The following KBTBD11 variants were observed in gnomAD, a reference collection of about 807,000 sequenced individuals.
KBTBD11 encodes kelch repeat and BTB domain containing 11, also known as kelch repeat and BTB domain-containing protein 11.
For missense variants in KBTBD11, 1,390 were observed against 1,001.8 expected (o/e 1.39, Z -5.23); for synonymous variants, 747 against 499.0 (o/e 1.50, Z -6.63).
Position 2,002,483 on chromosome 8 carries a change from C to T in KBTBD11, c.1291C>T (p.Arg431Cys), listed in dbSNP as rs1053942061. The T allele has an allele frequency of 6.0e-6, 9 of 1,507,268 alleles. No individual in the cohort carries two copies. The highest frequency in any genetic ancestry group is 7.9e-6 in the Non-Finnish European group (9 of 1,136,660). The allele number at this position is 1,507,268 out of a possible 1,614,324, so 93.4% of individuals were successfully genotyped here. Residue 431 changes from arginine (R) to cysteine (C), a missense_variant, in exon 2 of 2, where the codon CGC (arginine) becomes TGC (cysteine). Coordinates refer to ENST00000320248, the MANE Select transcript of KBTBD11 (RefSeq NM_014867.3). The surrounding 1 kb of genome is among the most constrained non-coding windows in gnomAD (Gnocchi z 4.1). Reference sequence around the variant, plus strand: ...GCTCAGCGTGGAGCGCTACGACCCGCGCGCCGACCGCTGGGCCCCCGTGGC... The same window carrying T: ...GCTCAGCGTGGAGCGCTACGACCCGTGCGCCGACCGCTGGGCCCCCGTGGC... ...CLLSVERYDP[R>C]ADRWAPVAPL...
intron 1 of KBTBD11, among the ~76,000 whole-genome samples, chr8:1,979,210 G>T (rs1270284852): frequency 1.3e-5 from 2 of 152,228 alleles, no homozygotes; most frequent in Admixed American, 6.5e-5. Context: ...TGGCATTGCA[G>T]TCCCTCCTCC....
At chr8:1,976,800 G>A (rs1816361534) in intron 1 of KBTBD11, among the ~76,000 whole-genome samples, 1 of 152,234 alleles carries the variant, frequency 6.6e-6, no homozygotes, top group Non-Finnish European at 1.5e-5. Context: ...AGAACTAAGG[G>A]ATGAGAGGGG....
At chr8:1,979,500 C>T (rs888799001) in intron 1 of KBTBD11, among the ~76,000 whole-genome samples, 14 of 152,098 alleles carry the variant, frequency 9.2e-5, no homozygotes, top group Admixed American at 2.6e-4. Context: ...TGTGGTGGCA[C>T]GCACTTGTGA....
intron 1 of KBTBD11, among the ~76,000 whole-genome samples, chr8:1,986,812 C>T (rs368556574): frequency 2.0e-5 from 3 of 151,902 alleles, no homozygotes; most frequent in African/African-American, 7.3e-5. Context: ...CTCATGGATC[C>T]CACTAAGATT....
Position 1,973,685 on chromosome 8 carries a change from C to G in KBTBD11, c.-1159C>G. The stretch of plus-strand genomic sequence containing the variant: ...CGCCCGCCCCCCTCCCCGCGCCCCG[C>G]GCGCGCCCCTCGCAGCCTGGAGCCG... On this transcript the variant is annotated 5_prime_UTR_variant, in exon 1 of 2. Coordinates refer to ENST00000320248, the MANE Select transcript of KBTBD11 (RefSeq NM_014867.3). 1 of 983,066 alleles carries G rather than the reference C, an allele frequency of 1.0e-6. No individual in the cohort carries two copies. The highest frequency in any genetic ancestry group is 1.2e-6 in the Non-Finnish European group (1 of 828,612). 60.9% of individuals were successfully genotyped at this position (983,066 alleles called of 1,614,324 possible).
chr8:1,984,279 GTTT>G (rs71211539), intron 1 of KBTBD11, among the ~76,000 whole-genome samples: 46 of 98,548 alleles, frequency 4.7e-4, no homozygotes, highest in African/African-American at 2.1e-3. Context: ...CTCTAAAAAA[GTTT>G]TTTTTTTTTT....
At chr8:1,980,936 G>C (rs1816520870) in intron 1 of KBTBD11, among the ~76,000 whole-genome samples, 2 of 152,192 alleles carry the variant, frequency 1.3e-5, no homozygotes, top group Admixed American at 1.3e-4. Flanking sequence ...AAATCTTTGC[G>C]AATGGTTGGA....
At chr8:1,977,106 A>T (rs1018935602) in intron 1 of KBTBD11, among the ~76,000 whole-genome samples, 10 of 151,182 alleles carry the variant, frequency 6.6e-5, no homozygotes, top group African/African-American at 2.4e-4. Context: ...TAAGCTCATC[A>T]TCTATCATTA....
At chr8:1,986,667 G>T (rs1016619781) in intron 1 of KBTBD11, among the ~76,000 whole-genome samples, 1 of 152,134 alleles carries the variant, frequency 6.6e-6, no homozygotes, top group Non-Finnish European at 1.5e-5. Context: ...TGTGTTTAAG[G>T]TTGTATGGTT....
At position 2,003,102 on chromosome 8, in the gene KBTBD11, T is replaced by G. The variant is rs1817461304; in HGVS notation, c.*38T>G. Reference sequence around the variant, plus strand: ...GGCGGGCGTCTCCCTCGGCAGGGGTTTGCGGGGCCCAGGTCCCTTTGGGCC... The same window carrying G: ...GGCGGGCGTCTCCCTCGGCAGGGGTGTGCGGGGCCCAGGTCCCTTTGGGCC... On this transcript the variant is annotated 3_prime_UTR_variant, in exon 2 of 2. Coordinates refer to ENST00000320248, the MANE Select transcript of KBTBD11 (RefSeq NM_014867.3). The G allele has an allele frequency of 7.9e-7, 1 of 1,257,892 alleles. No homozygotes were observed. Among genetic ancestry groups the G allele is most frequent in the East Asian group, 3.2e-5 (1 of 31,646 alleles). The allele number at this position is 1,257,892 out of a possible 1,614,324, so 77.9% of individuals were successfully genotyped here.
At chr8:1,979,919 A>C (rs1014109787) in intron 1 of KBTBD11, among the ~76,000 whole-genome samples, 22 of 152,136 alleles carry the variant, frequency 1.4e-4, no homozygotes, top group Non-Finnish European at 8.8e-5. Context: ...TTCCATGGAG[A>C]GGCCTCTGTT....
intron 1 of KBTBD11, among the ~76,000 whole-genome samples, chr8:1,991,424 C>G (rs117360449): frequency 1.3e-5 from 2 of 152,242 alleles, no homozygotes; most frequent in Admixed American, 6.5e-5. Flanking sequence ...AGCTGTCCTT[C>G]GGCACCACAT....
chr8:1,989,488 A>G (rs4545147), intron 1 of KBTBD11, among the ~76,000 whole-genome samples: 53,809 of 152,054 alleles, frequency 0.35, 12,924 homozygotes, highest in African/African-American at 0.69. Context: ...TCTACTTTCA[A>G]GTATGGTCCA....
chr8:1,976,434 C>G (rs372922582), intron 1 of KBTBD11: 1 of 152,196 alleles, frequency 6.6e-6, no homozygotes, highest in African/African-American at 2.4e-5. Flanking sequence ...AGCCAGGTTC[C>G]TGCTAGAAAT....
chr8:1,997,499 C>T (rs1447378092), intron 1 of KBTBD11, among the ~76,000 whole-genome samples: 1 of 152,144 alleles, frequency 6.6e-6, no homozygotes, highest in African/African-American at 2.4e-5. Context: ...TGGTGTGTGA[C>T]ACCACGTCCA....
chr8:1,997,403 A>G (rs1345658415), intron 1 of KBTBD11, among the ~76,000 whole-genome samples: 3 of 99,434 alleles, frequency 3.0e-5, no homozygotes, highest in Non-Finnish European at 4.6e-5. Context: ...GTCATTCTGG[A>G]AAAAAAAAAA....
rs1326788252 is a variant in KBTBD11, at chr8:2,003,622, A to G, written c.*558A>G. 1.2e-5 allele frequency: 2 copies of G among 167,076 alleles called. No individual in the cohort carries two copies. Among genetic ancestry groups the G allele is most frequent in the African/African-American group, 4.8e-5 (2 of 41,460 alleles). 10.3% of individuals were successfully genotyped at this position (167,076 alleles called of 1,614,324 possible). On this transcript the variant is annotated 3_prime_UTR_variant, in exon 2 of 2. Transcript: ENST00000320248. ...CTCCAAAAAGAGTAATTTAATAAGC[A>G]TTAAAGGTAAAATCTTTGATTACCA...
intron 1 of KBTBD11, chr8:1,975,454 C>G (rs1816302880): frequency 6.6e-6 from 1 of 152,224 alleles, no homozygotes; most frequent in Non-Finnish European, 1.5e-5. Flanking sequence ...GATACACAAA[C>G]ACCATTGTGT....
At chr8:1,992,151 GC>G (rs1393966389) in intron 1 of KBTBD11, among the ~76,000 whole-genome samples, 8 of 152,232 alleles carry the variant, frequency 5.3e-5, no homozygotes, top group Middle Eastern at 6.8e-3. Context: ...AGGAAGAGGG[GC>G]AGGTTCCTGC....
Sources: gnomAD v4.1 joint callset for allele counts (sites outside exome capture counted in the v4.1 genomes callset) on GRCh38, gnomAD v4.1.1 for gene constraint, Gnocchi (gnomAD v3.1) non-coding constraint, MANE v1.5 for transcripts, NCBI Gene and HGNC (gene_info 2026-07-23, HGNC 2026-07-21) for gene names.